Variants in CHRM3 observed in about 807,000 individuals in gnomAD.
CHRM3 encodes cholinergic receptor muscarinic 3, also known as muscarinic acetylcholine receptor M3.
A neutral mutation model predicts 41.8 loss-of-function variants in CHRM3; 11 were observed. That is an observed-to-expected ratio of 0.26 (90% CI 0.17 to 0.44). The LOEUF is 0.44. CHRM3 is among the 20% of genes least tolerant of loss of function. CHRM3 has a pLI of 1.00. For synonymous variants in CHRM3, 297 were observed against 301.4 expected, an observed-to-expected ratio of 0.99 and a Z score of 0.15; for missense variants, 571 against 745.4, an observed-to-expected ratio of 0.77 and a Z score of 2.72.
intron 1 of CHRM3, among the ~76,000 whole-genome samples, chr1:239,474,106 A>G (rs925584738): frequency 6.6e-6 from 1 of 152,120 alleles, no homozygotes; most frequent in Non-Finnish European, 1.5e-5. Flanking sequence ...AGAGTATAAA[A>G]GAAAAAATAA....
intron 1 of CHRM3, among the ~76,000 whole-genome samples, chr1:239,438,610 G>C (rs1663457063): frequency 6.6e-6 from 1 of 152,108 alleles, no homozygotes; most frequent in Non-Finnish European, 1.5e-5. Context: ...CTGTGAGTTT[G>C]GCAGGGCTAT....
At position 239,606,340 on chromosome 1, in the gene CHRM3, A is replaced by G. The variant is rs1452442440; in HGVS notation, c.-312-25884A>G. 3.3e-5 allele frequency: 5 copies of G among 151,990 alleles called. No individual in the cohort carries two copies. The East Asian group carries it at 9.7e-4, about 29-fold the overall frequency. The allele number at this position is 151,990 out of a possible 1,614,324, so 9.4% of individuals were successfully genotyped here. A position where few individuals can be genotyped will look rare whatever the true frequency, so the allele number is the denominator to read the frequency against. On this transcript the variant is annotated intron_variant, in intron 3 of 6. Transcript: ENST00000676153. ...GCCCAGGCTGGAGTGCAGTGGCGCA[A>G]TCTCGGCTCACTGCTACCTCCGCCT...
chr1:239,666,191 A>G (rs927273313), intron 4 of CHRM3, among the ~76,000 whole-genome samples: 4 of 90,860 alleles, frequency 4.4e-5, no homozygotes, highest in Admixed American at 1.4e-4. Flanking sequence ...TTGTTGCCTG[A>G]CTTTTTTTTT....
At chr1:239,852,381 T>G (rs1056000286) in intron 6 of CHRM3, among the ~76,000 whole-genome samples, 1 of 152,304 alleles carries the variant, frequency 6.6e-6, no homozygotes, top group Non-Finnish European at 1.5e-5. Context: ...TTAAAGTTCC[T>G]TTCAATATAA....
intron 1 of CHRM3, among the ~76,000 whole-genome samples, chr1:239,390,527 C>T (rs527516569): frequency 5.3e-5 from 8 of 151,944 alleles, no homozygotes; most frequent in Non-Finnish European, 1.2e-4. Context: ...TTCTTCAAAT[C>T]ACTCATCACT....
At chr1:239,834,223 G>A (rs1673119754) in intron 6 of CHRM3, among the ~76,000 whole-genome samples, 1 of 148,226 alleles carries the variant, frequency 6.7e-6, no homozygotes, top group Non-Finnish European at 1.5e-5. Flanking sequence ...TCAACAATTA[G>A]AGAAAAAGCA....
At chr1:239,429,084 A>G (rs1196111095) in intron 1 of CHRM3, among the ~76,000 whole-genome samples, 1 of 152,232 alleles carries the variant, frequency 6.6e-6, no homozygotes, top group East Asian at 1.9e-4. Flanking sequence ...CTTTCTTGAA[A>G]TCAAATTACT....
In CHRM3 at chr1:239,531,639, A is replaced by ATTTTTTTTTTTTTTTTTT. The variant is rs58433814; in HGVS notation, c.-421-13982_-421-13965dup. 8.9e-5 allele frequency among the ~76,000 whole-genome samples: 5 copies of ATTTTTTTTTTTTTTTTTT among 55,880 alleles called. 2 individuals carry two copies. The highest frequency in any genetic ancestry group is 1.6e-3 in the East Asian group (2 of 1,228). 36.7% of individuals were successfully genotyped at this position (55,880 alleles called of 152,430 possible). A position where few individuals can be genotyped will look rare whatever the true frequency, so the allele number is the denominator to read the frequency against. On this transcript the variant is annotated intron_variant, in intron 2 of 6. Transcript: ENST00000676153. Reference sequence around the variant, plus strand: ...ATAAAAACTAATCTCTCTAGAATGGATTTTTTTTTTTTTTTTTTTTTTTTT... The same window carrying ATTTTTTTTTTTTTTTTTT: ...ATAAAAACTAATCTCTCTAGAATGGATTTTTTTTTTTTTTTTTTTTTTTTTTTTTTTTTTTTTTTTTTT...
At chr1:239,857,896 T>C (rs1199450899) in intron 6 of CHRM3, among the ~76,000 whole-genome samples, 1 of 152,228 alleles carries the variant, frequency 6.6e-6, no homozygotes, top group Admixed American at 6.5e-5. Flanking sequence ...AGACATCTTA[T>C]GTTCTGTTAT....
intron 5 of CHRM3, among the ~76,000 whole-genome samples, chr1:239,782,391 G>A (rs1159984324): frequency 3.3e-5 from 5 of 151,964 alleles, no homozygotes; most frequent in African/African-American, 9.7e-5. Context: ...TCAAATTTGT[G>A]GGCAACATGT....
chr1:239,603,855 A>C (rs960871481), intron 3 of CHRM3, among the ~76,000 whole-genome samples: 1 of 152,108 alleles, frequency 6.6e-6, no homozygotes, highest in African/African-American at 2.4e-5. Context: ...TATTACTATA[A>C]TTAATTTTAT....
intron 4 of CHRM3, among the ~76,000 whole-genome samples, chr1:239,662,449 C>T (rs1321112225): frequency 1.3e-5 from 2 of 152,040 alleles, no homozygotes; most frequent in African/African-American, 2.4e-5. Flanking sequence ...ATTCATTTAT[C>T]GGTATTTCTG....
chr1:239,721,253 A>G (rs1312079873), intron 5 of CHRM3, among the ~76,000 whole-genome samples: 1 of 151,864 alleles, frequency 6.6e-6, no homozygotes, highest in Non-Finnish European at 1.5e-5. Context: ...AATGCTGAAT[A>G]AAAAAGATAA....
chr1:239,690,105 A>G (rs1026755332), intron 5 of CHRM3, among the ~76,000 whole-genome samples: 3 of 152,048 alleles, frequency 2.0e-5, no homozygotes, highest in Non-Finnish European at 2.9e-5. Context: ...CTTTTCTTCA[A>G]AGGCAATACA....
intron 3 of CHRM3, among the ~76,000 whole-genome samples, chr1:239,576,598 A>ACG (rs965077539): frequency 7.4e-5 from 11 of 148,096 alleles, no homozygotes; most frequent in African/African-American, 2.5e-4. Flanking sequence ...ACACACGCAC[A>ACG]CACACACACA....
intron 5 of CHRM3, among the ~76,000 whole-genome samples, chr1:239,774,713 G>T (rs1172387925): frequency 6.6e-6 from 1 of 152,122 alleles, no homozygotes; most frequent in Non-Finnish European, 1.5e-5. Flanking sequence ...AAGGATATGG[G>T]GGAAGTCCCT....
At chr1:239,658,180 G>T (rs1420005713) in intron 4 of CHRM3, among the ~76,000 whole-genome samples, 1 of 152,144 alleles carries the variant, frequency 6.6e-6, no homozygotes, top group Non-Finnish European at 1.5e-5. Context: ...GTGACTGATT[G>T]ACTCTTTGGG....
chr1:239,615,277 G>T (rs1320218836), intron 3 of CHRM3, among the ~76,000 whole-genome samples: 1 of 152,128 alleles, frequency 6.6e-6, no homozygotes, highest in Non-Finnish European at 1.5e-5. Flanking sequence ...TATTTTATAA[G>T]AACTGAGAAT....
At chr1:239,557,136 T>C (rs1660440904) in intron 3 of CHRM3, among the ~76,000 whole-genome samples, 1 of 152,180 alleles carries the variant, frequency 6.6e-6, no homozygotes, top group African/African-American at 2.4e-5. Flanking sequence ...TCTGTTTGCC[T>C]GTGAAGTTGA....
Sources: gnomAD v4.1 joint callset for allele counts (sites outside exome capture counted in the v4.1 genomes callset) on GRCh38, gnomAD v4.1.1 for gene constraint, MANE v1.5 for transcripts, NCBI Gene and HGNC (gene_info 2026-07-23, HGNC 2026-07-21) for gene names.